SEPTIN4: variants seen among roughly 807,000 people sequenced by gnomAD.
The protein encoded by SEPTIN4 is septin 4.
A neutral mutation model predicts 107.1 loss-of-function variants in SEPTIN4; 52 were observed. That is an observed-to-expected ratio of 0.49 (90% CI 0.39 to 0.61). The LOEUF (loss-of-function observed/expected upper bound fraction) is 0.61. SEPTIN4 is among the 20% of genes least tolerant of loss of function. The pLI, the probability that SEPTIN4 is intolerant of heterozygous loss-of-function variation, is 0.00. For synonymous variants in SEPTIN4, 417 were observed against 467.0 expected (o/e 0.89, Z 1.38); for missense variants, 1,048 against 1,243.5 (o/e 0.84, Z 2.36).
chr17:58,541,434 GC>G (rs2043872237), intron 2 of SEPTIN4, among the ~76,000 whole-genome samples: 1 of 152,130 alleles, frequency 6.6e-6, no homozygotes, highest in Non-Finnish European at 1.5e-5. Context: ...CAAGGGGGAG[GC>G]CCAGACATCT....
rs548348492 is a variant in SEPTIN4 at position 58,541,276 on chromosome 17, TC to T, written c.1607-604del. 1.8e-4 allele frequency among the ~76,000 whole-genome samples: 28 copies of T among 152,262 alleles called. 1 individual carries two copies. In the East Asian group the frequency reaches 5.0e-3, roughly 27 times the overall value. On this transcript the variant is annotated intron_variant, in intron 2 of 13. Transcript: ENST00000672673. ...GGGCCACAATGCTCACAGCAAGAAG[TC>T]CCTGCTGCCAAGATTTACTCCTTGA...
intron 2 of SEPTIN4, chr17:58,541,646 C>A: frequency 1.2e-6 from 1 of 862,350 alleles, no homozygotes; most frequent in South Asian, 2.0e-5. Context: ...ACCAACTAAG[C>A]TGAAAAGGCC....
chr17:58,524,983 C>T, intron 7 of SEPTIN4, 95 bp downstream of exon 7: 1 of 1,545,222 alleles, frequency 6.5e-7, no homozygotes. Flanking sequence ...ACCGCTTCCT[C>T]CTGATAAGTA....
Position 58,543,950 on chromosome 17 carries a change from G to T in SEPTIN4, c.237C>A (p.His79Gln). 6.2e-7 allele frequency: 1 copy of T among 1,614,030 alleles called. No homozygotes were observed. Among genetic ancestry groups the T allele is most frequent in the Non-Finnish European group, 8.5e-7 (1 of 1,179,954 alleles). The part of the protein sequence containing the change: ...RSVSLQSGPG[H>Q]YAVPTPRGPE... Reference sequence around the variant, plus strand: ...GTCCCCGAGGAGTGGGTACTGCATAGTGTCCAGGTCCTGACTGGAGGGAGA... The same window carrying T: ...GTCCCCGAGGAGTGGGTACTGCATATTGTCCAGGTCCTGACTGGAGGGAGA... The change falls in exon 1 of 14, where the codon CAC becomes CAA. Residue 79 changes from histidine (H) to glutamine (Q), a missense_variant. His to Gln is a conservative substitution (Grantham distance 24). Coordinates refer to ENST00000672673, the MANE Select transcript of SEPTIN4 (RefSeq NM_001368771.2).
chr17:58,534,460 G>T (rs375513160), intron 3 of SEPTIN4, among the ~76,000 whole-genome samples: 12 of 152,328 alleles, frequency 7.9e-5, no homozygotes, highest in East Asian at 5.8e-4. Context: ...TGGAGGCAGG[G>T]TCTAATACCT....
At chr17:58,542,084 C>A in intron 1 of SEPTIN4, 118 bp from the exon 2 acceptor site, 1 of 1,176,566 alleles carries the variant, frequency 8.5e-7, no homozygotes, top group South Asian at 1.5e-5. Flanking sequence ...TGCCCTCAGC[C>A]CTTGGTCCTC....
In SEPTIN4 at chr17:58,544,263, A is replaced by G; in HGVS notation, c.-77T>C. 1.3e-6 allele frequency: 2 copies of G among 1,498,408 alleles called. No individual in the cohort carries two copies. The highest frequency in any genetic ancestry group is 1.3e-5 in the South Asian group (1 of 75,550). 92.8% of individuals were successfully genotyped at this position (1,498,408 alleles called of 1,614,324 possible). On this transcript the variant is annotated 5_prime_UTR_variant, in exon 1 of 14. Transcript: ENST00000672673. ...TATTCAGGATCCTAATGATGCCTGA[A>G]TATTTACCCTGTTTTAAAGCTGCTG...
chr17:58,536,400 T>C (rs2043711501), intron 3 of SEPTIN4, among the ~76,000 whole-genome samples: 1 of 152,184 alleles, frequency 6.6e-6, no homozygotes, highest in Admixed American at 6.5e-5. Context: ...GCATGTGTAA[T>C]AGGTGTAGAG....
rs760978064 is a variant in SEPTIN4, at chr17:58,542,940, C to T, written c.1247G>A (p.Arg416Gln). The change falls in exon 1 of 14, where the codon CGG (arginine) becomes CAG (glutamine). Residue 416 changes from arginine to glutamine, a missense_variant. Physicochemically the swap from Arg to Gln is conservative, Grantham distance 43. Around this residue, in one of 2 missense-constraint regions of SEPTIN4, gnomAD observed 787 missense variants for 871.8 expected, o/e 0.90. Transcript: ENST00000672673. ...LELTPRPLPP[R>Q]SLPRYGPDSS... ...GTCAGGTCCGTACCTAGGTAAGGAC[C>T]GAGGAGGCAAGGGCCTAGGGGTCAG... 31 of 1,614,116 alleles carry T rather than the reference C, an allele frequency of 1.9e-5. No individual in the cohort carries two copies. The highest frequency in any genetic ancestry group is 1.7e-4 in the Admixed American group (10 of 60,024).
Position 58,521,904 on chromosome 17 carries a change from T to A in SEPTIN4, c.2352-51A>T. 2 of 1,614,236 alleles carry A rather than the reference T, an allele frequency of 1.2e-6. No individual in the cohort carries two copies. Among genetic ancestry groups the A allele is most frequent in the Non-Finnish European group, 1.7e-6 (2 of 1,180,042 alleles). On this transcript the variant is annotated intron_variant, in intron 8 of 13. Transcript: ENST00000672673. The surrounding 1 kb of genome is among the most constrained non-coding windows in gnomAD (Gnocchi z 6.4). ...CTGCTAGTGGCAGCCCTGCCCCTGG[T>A]GCTCTTGGCCTGTTCCCTTGACAGC...
At position 58,542,949 on chromosome 17, in the gene SEPTIN4, A is replaced by C; in HGVS notation, c.1238T>G (p.Leu413Trp). 1 of 1,614,204 alleles carries C rather than the reference A, an allele frequency of 6.2e-7. No homozygotes were observed. Among genetic ancestry groups the C allele is most frequent in the Non-Finnish European group, 8.5e-7 (1 of 1,180,028 alleles). Residue 413 changes from leucine (L) to tryptophan (W), a missense_variant, in exon 1 of 14, where the codon TTG becomes TGG. Coordinates refer to ENST00000672673, the MANE Select transcript of SEPTIN4 (RefSeq NM_001368771.2). The part of the protein sequence containing the change: ...HAELELTPRP[L>W]PPRSLPRYGP... ...GTACCTAGGTAAGGACCGAGGAGGC[A>C]AGGGCCTAGGGGTCAGTTCCAGTTC...
rs1303292583 is a variant in SEPTIN4 at position 58,526,565 on chromosome 17, CACACACAA to C, written c.1911+109_1911+116del. On this transcript the variant is annotated intron_variant, in intron 4 of 13. Transcript: ENST00000672673. ...GACTGAAATAGGTCCCAGATACACACACACACAAACACACACACACACACACACACACA... is the reference window on the plus strand; with the variant it reads ...GACTGAAATAGGTCCCAGATACACACACACACACACACACACACACACACA... 1.2e-5 allele frequency: 17 copies of C among 1,410,474 alleles called. No individual in the cohort carries two copies. In the African/African-American group the frequency reaches 1.4e-4, roughly 12 times the overall value. The allele number at this position is 1,410,474 out of a possible 1,614,324, so 87.4% of individuals were successfully genotyped here.
chr17:58,543,751 G>C lies in SEPTIN4; in HGVS notation c.436C>G (p.His146Asp), dbSNP rs771792478. ...TTGGCATCTGGGATTGATGAAGCAT[G>C]ATGGCCGACCTCGCGCCCTGACTTG... ...ESKSGREVGH[H>D]ASSIPDAKST... Residue 146 changes from histidine (H) to aspartate (D), a missense_variant, in exon 1 of 14, where the codon CAT becomes GAT. Around this residue, in one of 2 missense-constraint regions of SEPTIN4, gnomAD observed 787 missense variants for 871.8 expected, o/e 0.90. Coordinates refer to ENST00000672673, the MANE Select transcript of SEPTIN4 (RefSeq NM_001368771.2). 1 of 1,614,208 alleles carries C rather than the reference G, an allele frequency of 6.2e-7. No individual in the cohort carries two copies. The highest frequency in any genetic ancestry group is 1.1e-5 in the South Asian group (1 of 91,086).
chr17:58,541,737 C>T, intron 2 of SEPTIN4, 185 bp downstream of exon 2: 1 of 1,519,094 alleles, frequency 6.6e-7, no homozygotes, highest in South Asian at 1.3e-5. Context: ...GTTCCAAGCC[C>T]CAAAGAAATG....
At chr17:58,520,534 G>C (rs774750813) in intron 13 of SEPTIN4, 49 bp from the exon 14 acceptor site, 1 of 1,606,334 alleles carries the variant, frequency 6.2e-7, no homozygotes, top group Non-Finnish European at 8.5e-7. Context: ...GAGTCCTTTA[G>C]TATTGGGAAA....
intron 3 of SEPTIN4, chr17:58,529,158 C>T: frequency 6.2e-7 from 1 of 1,614,240 alleles, no homozygotes; most frequent in Admixed American, 1.7e-5. Context: ...CCCTTGCCAT[C>T]CCAGTGAACG....
intron 3 of SEPTIN4, chr17:58,532,230 T>C: frequency 2.5e-6 from 1 of 396,730 alleles, no homozygotes; most frequent in Non-Finnish European, 3.6e-6. Context: ...GCGCAGAGTA[T>C]GCAGAGTCAC....
At chr17:58,525,588 A>T (rs1490175488) in intron 6 of SEPTIN4, 107 bp downstream of exon 6, 4 of 979,584 alleles carry the variant, frequency 4.1e-6, no homozygotes, top group African/African-American at 1.6e-5. Flanking sequence ...CAGTCTCTCT[A>T]GGAGGCCATG....
At chr17:58,527,028 C>T (rs747192537) in intron 3 of SEPTIN4, 50 bp from the exon 4 acceptor site, 1 of 1,612,712 alleles carries the variant, frequency 6.2e-7, no homozygotes, top group Non-Finnish European at 8.5e-7. Flanking sequence ...GGGAAGGGAG[C>T]CGGAAGGGAA....
Sources: allele counts gnomAD v4.1 joint callset (sites outside exome capture counted in the v4.1 genomes callset), GRCh38; gene constraint gnomAD v4.1.1; regional missense constraint gnomAD v4.1.1; non-coding constraint Gnocchi (gnomAD v3.1); transcripts MANE v1.5; gene names NCBI Gene and HGNC (gene_info 2026-07-23, HGNC 2026-07-21).